The following BEAN1 variants were observed in gnomAD, a reference collection of about 807,000 sequenced individuals.
BEAN1 encodes brain expressed associated with NEDD4 1.
Under a neutral mutation model 17.7 loss-of-function variants are expected in BEAN1, and 17 were observed. The ratio of observed to expected loss-of-function variants is 0.96; its 90% CI spans 0.66 to 1.44. The LOEUF is 1.44. BEAN1 is among the 40% of genes most tolerant of loss of function. The pLI is 0.00. For missense variants in BEAN1, 359 were observed against 374.1 expected, an observed-to-expected ratio of 0.96 and a Z score of 0.33; for synonymous variants, 142 against 151.8, an observed-to-expected ratio of 0.94 and a Z score of 0.47.
chr16:66,495,127 G>A (rs920350749), downstream of BEAN1, among the ~76,000 whole-genome samples: 1 of 152,164 alleles, frequency 6.6e-6, no homozygotes, highest in Non-Finnish European at 1.5e-5. Context: ...GGGGCCTCAG[G>A]CTGGAAGGAT....
At chr16:66,489,489 GGGTGGCCACGTT>G (rs1280244606) in intron 4 of BEAN1, among the ~76,000 whole-genome samples, 1 of 152,142 alleles carries the variant, frequency 6.6e-6, no homozygotes, top group Non-Finnish European at 1.5e-5. Context: ...GGAAGCCAAG[GGGTGGCCACGTT>G]TGACCCTGGA....
intron 4 of BEAN1, among the ~76,000 whole-genome samples, chr16:66,489,382 T>A (rs1175283011): frequency 1.3e-5 from 2 of 152,150 alleles, no homozygotes; most frequent in Non-Finnish European, 2.9e-5. Context: ...CCAACCCTCT[T>A]TGACCCCAGG....
intron 1 of BEAN1, among the ~76,000 whole-genome samples, chr16:66,431,479 C>T (rs989291112): frequency 1.7e-4 from 26 of 152,158 alleles, no homozygotes; most frequent in Non-Finnish European, 8.8e-5. Flanking sequence ...AAATGTAAAA[C>T]GCATAAAAAT....
rs1962809103 is a variant in BEAN1 at position 66,454,868 on chromosome 16, C to G, written c.26-14734C>G. ...TTGGATGGGCTCTTTCCAACAGTAG[C>G]AGGGAAGCTGCTGGTTTTCACAGAC... On this transcript the variant is annotated intron_variant, in intron 2 of 4. Transcript: ENST00000536005. Among the ~76,000 whole-genome samples, 3 of 151,568 alleles carry G rather than the reference C, an allele frequency of 2.0e-5. 1 individual carries two copies. Among genetic ancestry groups the G allele is most frequent in the Non-Finnish European group, 4.4e-5 (3 of 67,960 alleles).
chr16:66,491,234 T>C (rs1203011145), intron 4 of BEAN1, among the ~76,000 whole-genome samples: 2 of 152,180 alleles, frequency 1.3e-5, no homozygotes, highest in African/African-American at 4.8e-5. Context: ...CCAGAGGAAG[T>C]GGCCCTTGCT....
intron 1 of BEAN1, 136 bp from the exon 2 acceptor site, chr16:66,437,449 CCTTGCCCAGA>C: frequency 1.7e-6 from 1 of 579,708 alleles, no homozygotes. Context: ...TCCCCCAGCC[CCTTGCCCAGA>C]CTAGGCACGT....
chr16:66,439,701 G>A (rs763540469), intron 2 of BEAN1, among the ~76,000 whole-genome samples: 3 of 152,204 alleles, frequency 2.0e-5, no homozygotes, highest in Non-Finnish European at 2.9e-5. Context: ...CTAGCATGCA[G>A]TAGGCACTCA....
At chr16:66,430,386 G>A (rs1023250545) in intron 1 of BEAN1, among the ~76,000 whole-genome samples, 1 of 152,162 alleles carries the variant, frequency 6.6e-6, no homozygotes, top group African/African-American at 2.4e-5. Context: ...TGAGAACACT[G>A]AGGCTTGAAA....
rs116559889 is a variant in BEAN1 at position 66,480,290 on chromosome 16, T to C, written c.441-296T>C. On this transcript the variant is annotated intron_variant, in intron 4 of 4. Transcript: ENST00000536005. ...CAGTGCGCTGCGGGGAGATGCTCCC[T>C]AGACAGTGGCCACTGCTGTTTCGAG... Among the ~76,000 whole-genome samples the C allele has an allele frequency of 3.5e-3, 531 of 152,242 alleles. 1 individual carries two copies. The highest frequency in any genetic ancestry group is 0.012 in the African/African-American group (506 of 41,550).
At chr16:66,432,999 A>C (rs939433028) in intron 1 of BEAN1, among the ~76,000 whole-genome samples, 2 of 152,178 alleles carry the variant, frequency 1.3e-5, no homozygotes, top group African/African-American at 4.8e-5. Context: ...TTACCATTGC[A>C]TCTCCAGTCC....
chr16:66,462,002 A>G (rs2142417472), intron 2 of BEAN1, among the ~76,000 whole-genome samples: 1 of 152,316 alleles, frequency 6.6e-6, no homozygotes, highest in South Asian at 2.1e-4. Context: ...AGTTGTAGTC[A>G]CAGCATGGAG....
chr16:66,447,558 A>G (rs1025169408), intron 2 of BEAN1, among the ~76,000 whole-genome samples: 2 of 152,128 alleles, frequency 1.3e-5, no homozygotes, highest in African/African-American at 4.8e-5. Flanking sequence ...GAGAGAACAC[A>G]TCTTCTCTCT....
At chr16:66,487,622 C>T (rs1248368427), downstream of BEAN1, among the ~76,000 whole-genome samples, 3 of 152,172 alleles carry the variant, frequency 2.0e-5, no homozygotes, top group Non-Finnish European at 4.4e-5. Context: ...ATGACTCAGG[C>T]TCAGCCCGCC....
intron 4 of BEAN1, among the ~76,000 whole-genome samples, chr16:66,488,894 A>T (rs769427812): frequency 3.3e-5 from 5 of 152,058 alleles, no homozygotes; most frequent in Non-Finnish European, 5.9e-5. Flanking sequence ...AAAATAGGCC[A>T]GGCAAGGTGG....
chr16:66,493,785 T>C (rs113561566), downstream of BEAN1, among the ~76,000 whole-genome samples: 2 of 152,302 alleles, frequency 1.3e-5, no homozygotes, highest in African/African-American at 4.8e-5. Context: ...AGCCCCAGAA[T>C]AGACGCCGCA....
intron 2 of BEAN1, among the ~76,000 whole-genome samples, chr16:66,439,279 G>C (rs529669625): frequency 6.6e-6 from 1 of 152,332 alleles, no homozygotes; most frequent in African/African-American, 2.4e-5. Flanking sequence ...AATTGTTGCT[G>C]TTGTCACTGT....
intron 2 of BEAN1, among the ~76,000 whole-genome samples, chr16:66,450,573 C>A (rs1015858771): frequency 6.6e-6 from 1 of 152,002 alleles, no homozygotes; most frequent in African/African-American, 2.4e-5. Flanking sequence ...TTAAGATTAG[C>A]CAGGTGTGGT....
intron 4 of BEAN1, among the ~76,000 whole-genome samples, chr16:66,491,975 A>G (rs759933645): frequency 9.2e-5 from 14 of 152,172 alleles, no homozygotes; most frequent in Non-Finnish European, 1.8e-4. Context: ...CAAGGTGCTC[A>G]TAATAAACAA....
chr16:66,437,503 G>A (rs907469209), intron 1 of BEAN1, 92 bp from the exon 2 acceptor site: 35 of 724,802 alleles, frequency 4.8e-5, no homozygotes, highest in Admixed American at 1.7e-4. Flanking sequence ...CTCCCGCAGA[G>A]GTTGACAGCT....
Sources: gnomAD v4.1 joint callset for allele counts (sites outside exome capture counted in the v4.1 genomes callset) on GRCh38, gnomAD v4.1.1 for gene constraint, MANE v1.5 for transcripts, NCBI Gene and HGNC (gene_info 2026-07-23, HGNC 2026-07-21) for gene names.